The following RNF34 variants were observed in gnomAD, a reference collection of about 807,000 sequenced individuals.
The protein encoded by RNF34 is E3 ubiquitin-protein ligase RNF34.
A neutral mutation model predicts 37.9 loss-of-function variants in RNF34; 12 were observed. The observed-to-expected ratio is 0.32, with a 90% CI of 0.20 to 0.51. RNF34 has a LOEUF of 0.51. RNF34 is among the 20% of genes least tolerant of loss of function. The pLI is 0.97. For missense variants in RNF34, 362 were observed against 472.7 expected (o/e 0.77, Z 2.17); for synonymous variants, 155 against 177.2 (o/e 0.87, Z 1.00).
At chr12:121,422,692 C>G (rs1045480063) in intron 5 of RNF34, among the ~76,000 whole-genome samples, 9 of 152,236 alleles carry the variant, frequency 5.9e-5, no homozygotes, top group Non-Finnish European at 8.8e-5. Context: ...GCACCCAAAT[C>G]CATAGCCCTA....
intron 1 of RNF34, among the ~76,000 whole-genome samples, chr12:121,404,593 C>T (rs577533185): frequency 6.6e-6 from 1 of 151,744 alleles, no homozygotes; most frequent in African/African-American, 2.4e-5. Context: ...GTTTCACCAT[C>T]TTGGCTAGGC....
rs541509653 is a variant in RNF34, at chr12:121,422,759, T to C, written c.929-627T>C. 3.3e-5 allele frequency among the ~76,000 whole-genome samples: 5 copies of C among 152,322 alleles called. No individual in the cohort carries two copies. The South Asian group carries it at 1.0e-3, about 32-fold the overall frequency. On this transcript the variant is annotated intron_variant, in intron 5 of 5. Transcript: ENST00000361234. ...TTTAACTTATTCATCGTCTTTCTTA[T>C]TCACAGACTGGATTTTCTCAGATGT...
intron 1 of RNF34, among the ~76,000 whole-genome samples, chr12:121,411,698 T>G (rs1302191030): frequency 6.6e-6 from 1 of 152,240 alleles, no homozygotes; most frequent in Non-Finnish European, 1.5e-5. Flanking sequence ...TTTTACACAG[T>G]TACTTGTCAG....
chr12:121,417,723 T>G lies in RNF34; in HGVS notation c.445T>G (p.Cys149Gly). 1 of 1,614,162 alleles carries G rather than the reference T, an allele frequency of 6.2e-7. No homozygotes were observed. The highest frequency in any genetic ancestry group is 8.5e-7 in the Non-Finnish European group (1 of 1,180,000). ...AGAAGACTTGGTGGATCTAGTACTG[T>G]GCCATCATGGACTAGGCTCTGAGGA... The part of the protein sequence containing the change: ...EKEDLVDLVL[C>G]HHGLGSEDDM... Residue 149 changes from cysteine to glycine, a missense_variant, in exon 3 of 6, where the codon TGC becomes GGC. Physicochemically the swap from Cys to Gly is radical, Grantham distance 159 (BLOSUM62 -3). Transcript: ENST00000361234. The surrounding 1 kb of genome is among the most constrained non-coding windows in gnomAD (Gnocchi z 5.0).
At position 121,420,236 on chromosome 12, in the gene RNF34, G is replaced by A. The variant is rs111466028; in HGVS notation, c.634-6G>A. The A allele has an allele frequency of 5.6e-6, 9 of 1,609,524 alleles. No homozygotes were observed. The highest frequency in any genetic ancestry group is 2.7e-5 in the African/African-American group (2 of 74,884). On this transcript the variant is annotated splice_region_variant and splice_polypyrimidine_tract_variant and intron_variant, in intron 3 of 5. Transcript: ENST00000361234. ...TGACCTAATCAGATACGTTGTATAA[G>A]TGTAGGTACAAAGTGAAATCACTTC...
chr12:121,411,096 G>A (rs1323956071), intron 1 of RNF34, among the ~76,000 whole-genome samples: 3 of 152,024 alleles, frequency 2.0e-5, no homozygotes, highest in Non-Finnish European at 4.4e-5. Flanking sequence ...ACCACACCTG[G>A]CTAATTTTAT....
Position 121,417,825 on chromosome 12 carries a change from T to G in RNF34, c.547T>G (p.Tyr183Asp), listed in dbSNP as rs200332742. The stretch of plus-strand genomic sequence containing the variant: ...TTTTACACGTTCGTTTTTTTCAAAC[T>G]ATACAGCCCCCTCTGCTACTATGTC... ...SFFTRSFFSN[Y>D]TAPSATMSSF... is the part of the protein sequence containing the mutation. Residue 183 changes from tyrosine to aspartate, a missense_variant, in exon 3 of 6, where the codon TAT (tyrosine) becomes GAT (aspartate). Tyr to Asp is a radical substitution (Grantham distance 160). Coordinates refer to ENST00000361234, the MANE Select transcript of RNF34 (RefSeq NM_025126.4). The surrounding 1 kb of genome is among the most constrained non-coding windows in gnomAD (Gnocchi z 5.0). 1 of 1,614,190 alleles carries G rather than the reference T, an allele frequency of 6.2e-7. No homozygotes were observed. The highest frequency in any genetic ancestry group is 1.3e-5 in the African/African-American group (1 of 75,044).
chr12:121,401,916 G>A (rs565988493), intron 1 of RNF34, among the ~76,000 whole-genome samples: 2 of 152,266 alleles, frequency 1.3e-5, no homozygotes, highest in Middle Eastern at 6.8e-3. Flanking sequence ...AGTTATAAAT[G>A]ATGCTTTTGT....
chr12:121,420,152 G>C, intron 3 of RNF34, 90 bp from the exon 4 acceptor site: 1 of 1,190,866 alleles, frequency 8.4e-7, no homozygotes, highest in Non-Finnish European at 1.2e-6. Context: ...TGGCTTTCTG[G>C]TCATCATGGG....
chr12:121,402,545 C>T (rs1414189759), intron 1 of RNF34, among the ~76,000 whole-genome samples: 1 of 144,992 alleles, frequency 6.9e-6, no homozygotes, highest in Non-Finnish European at 1.5e-5. Context: ...CAATCAACTT[C>T]CTATAAGGGA....
chr12:121,419,120 C>T (rs532752292), intron 3 of RNF34, among the ~76,000 whole-genome samples: 6 of 152,298 alleles, frequency 3.9e-5, no homozygotes, highest in Admixed American at 3.3e-4. Context: ...ACCACATACA[C>T]GGCAGTGGTT....
rs781843715 is a variant in RNF34, at chr12:121,400,179, T to G, written c.-34T>G. The G allele has an allele frequency of 6.2e-7, 1 of 1,606,222 alleles. No individual in the cohort carries two copies. ...GGAGCTGCTATGGTGCTGAGTTTCC[T>G]GGTAGAGCCGGCCGAGCTGAGGCGG... is the stretch of plus-strand genomic sequence containing the variant. On this transcript the variant is annotated 5_prime_UTR_variant, in exon 1 of 6. Transcript: ENST00000361234.
Position 121,423,272 on chromosome 12 carries a change from G to A in RNF34, c.929-114G>A, listed in dbSNP as rs1872319952. The stretch of plus-strand genomic sequence containing the variant: ...TTATTTCTTGTACAACACTGGGGTG[G>A]CATTGGGCCTGCAGGGGTCATTCAG... On this transcript the variant is annotated intron_variant, in intron 5 of 5. Transcript: ENST00000361234. This position sits in a 1 kb window ranked among gnomAD's most constrained non-coding sequence, Gnocchi z 4.3. 3 of 688,942 alleles carry A rather than the reference G, an allele frequency of 4.4e-6. No individual in the cohort carries two copies. In the African/African-American group the frequency reaches 5.4e-5, roughly 12 times the overall value. The allele number at this position is 688,942 out of a possible 1,614,324, so 42.7% of individuals were successfully genotyped here. A position where few individuals can be genotyped will look rare whatever the true frequency, so the allele number is the denominator to read the frequency against.
In RNF34 at chr12:121,400,136, A is replaced by C; in HGVS notation, c.-77A>C. 3 of 1,536,802 alleles carry C rather than the reference A, an allele frequency of 2.0e-6. No individual in the cohort carries two copies. Among genetic ancestry groups the C allele is most frequent in the South Asian group, 1.2e-5 (1 of 85,578 alleles). On this transcript the variant is annotated 5_prime_UTR_variant, in exon 1 of 6. Transcript: ENST00000361234. ...GCGCGGTAATCACCGCCCAGAGGGA[A>C]GGAGGTCGGCAGTGTGAGGAGCTGC...
At chr12:121,406,408 TC>T (rs1870539294) in intron 1 of RNF34, among the ~76,000 whole-genome samples, 1 of 151,610 alleles carries the variant, frequency 6.6e-6, no homozygotes, top group South Asian at 2.1e-4. Context: ...TGCCTCAACC[TC>T]CCCAGTGGCT....
chr12:121,408,131 C>T (rs541296878), intron 1 of RNF34, among the ~76,000 whole-genome samples: 57 of 152,140 alleles, frequency 3.7e-4, no homozygotes, highest in African/African-American at 1.3e-3. Flanking sequence ...CATATCAAGA[C>T]CCCGTCTCTA....
Position 121,416,228 on chromosome 12 carries a change from A to C in RNF34, c.76A>C (p.Arg26=). The change falls in exon 2 of 6, where the codon AGG becomes CGG. Residue 26 remains arginine (R), a synonymous_variant. Coordinates refer to ENST00000361234, the MANE Select transcript of RNF34 (RefSeq NM_025126.4). The stretch of plus-strand genomic sequence containing the variant: ...TGAAGTCATGGGAACTGGAGCTGTC[A>C]GGGGCCAGCAGTCAGCATTTGCAGG... ...LNEVMGTGAV[R]GQQSAFAGAT... 2 of 1,614,116 alleles carry C rather than the reference A, an allele frequency of 1.2e-6. No homozygotes were observed. The highest frequency in any genetic ancestry group is 1.7e-6 in the Non-Finnish European group (2 of 1,180,004).
chr12:121,401,210 C>A (rs993953007), intron 1 of RNF34, among the ~76,000 whole-genome samples: 108 of 151,848 alleles, frequency 7.1e-4, no homozygotes, highest in African/African-American at 2.6e-3. Flanking sequence ...TTTTGTTGAA[C>A]GTTTTCTGTG....
chr12:121,420,809 G>T, intron 5 of RNF34, 31 bp downstream of exon 5: 1 of 1,551,712 alleles, frequency 6.4e-7, no homozygotes, highest in Non-Finnish European at 8.9e-7. Context: ...TTTCCCTGTA[G>T]TATTTTTCCT....
Sources: allele counts gnomAD v4.1 joint callset (sites outside exome capture counted in the v4.1 genomes callset), GRCh38; gene constraint gnomAD v4.1.1; non-coding constraint Gnocchi (gnomAD v3.1); transcripts MANE v1.5; gene names NCBI Gene and HGNC (gene_info 2026-07-23, HGNC 2026-07-21).